Variants in CDH23 observed in about 807,000 individuals in gnomAD.
CDH23 encodes the protein cadherin related 23.
In CDH23, 189 loss-of-function variants were observed where a neutral mutation model predicts 317.1. The ratio of observed to expected loss-of-function variants is 0.60; its 90% CI spans 0.53 to 0.67. The LOEUF (loss-of-function observed/expected upper bound fraction) is 0.67, where lower values mean the gene tolerates loss of function less well. Ranked by LOEUF, CDH23 falls within the 30% of genes least tolerant of loss-of-function variation. CDH23 has a pLI of 0.00. For synonymous variants in CDH23, 1,839 were observed against 1,876.8 expected (o/e 0.98, Z 0.52); for missense variants, 4,401 against 4,592.4 (o/e 0.96, Z 1.20).
rs1841925203 is a variant in CDH23, at chr10:71,811,532, ATCC to A, written c.9225_9227del (p.Leu3076del). On this transcript the variant is annotated inframe_deletion, in exon 64 of 70. Coordinates refer to ENST00000224721, the MANE Select transcript of CDH23 (RefSeq NM_022124.6). ...GCAGATGGCGATCATCGTCCTGGCTATCCTCCTGTTCCTGGCCGCCATGCTCTT... is the reference window on the plus strand; with the variant it reads ...GCAGATGGCGATCATCGTCCTGGCTATCCTGTTCCTGGCCGCCATGCTCTT... 1.9e-6 allele frequency: 3 copies of A among 1,613,826 alleles called. No individual in the cohort carries two copies. Among genetic ancestry groups the A allele is most frequent in the Non-Finnish European group, 2.5e-6 (3 of 1,179,832 alleles).
chr10:71,531,188 G>A (rs746786892), intron 6 of CDH23, among the ~76,000 whole-genome samples: 23 of 152,204 alleles, frequency 1.5e-4, no homozygotes, highest in African/African-American at 2.4e-4. Context: ...CAGCAGCAGC[G>A]TGTGAACCTC....
At chr10:71,790,911 C>T in intron 46 of CDH23, 1 of 590,128 alleles carries the variant, frequency 1.7e-6, no homozygotes, top group African/African-American at 1.9e-5. Flanking sequence ...CAGAGGGCAC[C>T]TGCAGAGGGG....
At chr10:71,475,403 T>C (rs1417016934) in intron 3 of CDH23, among the ~76,000 whole-genome samples, 3 of 152,174 alleles carry the variant, frequency 2.0e-5, no homozygotes, top group African/African-American at 7.2e-5. Flanking sequence ...TTCTGTTTCC[T>C]GTGTGCAGCC....
chr10:71,760,994 C>T (rs1238289973), intron 38 of CDH23: 5 of 1,486,102 alleles, frequency 3.4e-6, no homozygotes, highest in Non-Finnish European at 4.7e-6. Context: ...TTGTCCAGGC[C>T]AGTGTCCCCC....
At chr10:71,679,362 C>T (rs565335104) in intron 16 of CDH23, 25 bp from the exon 17 acceptor site, 2 of 1,558,560 alleles carry the variant, frequency 1.3e-6, no homozygotes, top group Admixed American at 1.7e-5. Flanking sequence ...AGGCTCACGG[C>T]CCTTGTCTGC....
chr10:71,748,848 C>T (rs1033605381), intron 38 of CDH23: 2 of 152,696 alleles, frequency 1.3e-5, no homozygotes, highest in East Asian at 3.9e-4. Context: ...CAGGGAGGGA[C>T]GTCCCTAGTG....
At chr10:71,485,023 CTT>C (rs56153129) in intron 3 of CDH23, among the ~76,000 whole-genome samples, 4,805 of 110,244 alleles carry the variant, frequency 0.044, 156 homozygotes, top group African/African-American at 0.14. Context: ...TTTCTTTTTT[CTT>C]TTTTTTTTTT....
At chr10:71,647,894 A>G (rs988877775) in intron 14 of CDH23, 1 of 152,108 alleles carries the variant, frequency 6.6e-6, no homozygotes, top group African/African-American at 2.4e-5. Context: ...AATAAATGTC[A>G]CGGAGTTTAA....
At chr10:71,464,366 A>G (rs1202166794) in intron 3 of CDH23, among the ~76,000 whole-genome samples, 1 of 152,190 alleles carries the variant, frequency 6.6e-6, no homozygotes, top group Non-Finnish European at 1.5e-5. Context: ...GAATTTGCCC[A>G]TGATCATAGA....
chr10:71,526,972 G>A (rs894031746), intron 6 of CDH23, among the ~76,000 whole-genome samples: 8 of 152,148 alleles, frequency 5.3e-5, no homozygotes, highest in African/African-American at 1.9e-4. Context: ...GCATGTGGCC[G>A]GGGTTCTCAG....
chr10:71,570,865 C>G lies in CDH23; in HGVS notation c.700C>G (p.Pro234Ala). ...IIITDVQDMDPIFINLPYSTN... is the reference protein window; with the variant it reads ...IIITDVQDMDAIFINLPYSTN... Reference sequence around the variant, plus strand: ...CATCACAGATGTCCAGGACATGGACCCCATCTTCATCAACCTGCCTTACAG... The same window carrying G: ...CATCACAGATGTCCAGGACATGGACGCCATCTTCATCAACCTGCCTTACAG... Residue 234 changes from proline to alanine, a missense_variant, in exon 8 of 70, where the codon CCC (proline) becomes GCC (alanine). By Grantham distance (27) the Pro-to-Ala change is conservative. This residue lies in a region of CDH23 where 3,068 missense variants were observed against 3,203.3 expected (regional missense o/e 0.96). Transcript: ENST00000224721. 1 of 1,613,940 alleles carries G rather than the reference C, an allele frequency of 6.2e-7. No homozygotes were observed. Among genetic ancestry groups the G allele is most frequent in the Non-Finnish European group, 8.5e-7 (1 of 1,179,852 alleles).
chr10:71,755,179 C>T, intron 38 of CDH23: 1 of 703,878 alleles, frequency 1.4e-6, no homozygotes, highest in Non-Finnish European at 2.5e-6. Flanking sequence ...CCGGAAATGG[C>T]ATGCCTCCTT....
At chr10:71,575,354 T>C (rs1182877831) in intron 8 of CDH23, among the ~76,000 whole-genome samples, 1 of 152,166 alleles carries the variant, frequency 6.6e-6, no homozygotes, top group Non-Finnish European at 1.5e-5. Flanking sequence ...CTCTTCTGAG[T>C]GCTTCACGTT....
At chr10:71,720,943 G>T (rs1866529188) in intron 28 of CDH23, among the ~76,000 whole-genome samples, 2 of 152,192 alleles carry the variant, frequency 1.3e-5, no homozygotes, top group South Asian at 4.1e-4. Flanking sequence ...AAAGCATCCG[G>T]CCCAAAGGTG....
At chr10:71,535,598 T>C (rs573675307) in intron 6 of CDH23, among the ~76,000 whole-genome samples, 10 of 152,318 alleles carry the variant, frequency 6.6e-5, no homozygotes, top group African/African-American at 1.9e-4. Flanking sequence ...GCTTTCACCA[T>C]GTGGAGCTCT....
chr10:71,761,862 A>G, intron 38 of CDH23: 1 of 1,614,132 alleles, frequency 6.2e-7, no homozygotes, highest in Non-Finnish European at 8.5e-7. Context: ...CGCTCTGAGC[A>G]GGTCTGCACC....
At chr10:71,680,258 G>A (rs1400920900) in intron 17 of CDH23, among the ~76,000 whole-genome samples, 1 of 152,230 alleles carries the variant, frequency 6.6e-6, no homozygotes, top group East Asian at 1.9e-4. Context: ...CCCTTTGGCT[G>A]TCCAGTGTGT....
intron 38 of CDH23, chr10:71,755,531 G>C: frequency 7.0e-7 from 1 of 1,428,858 alleles, no homozygotes; most frequent in Non-Finnish European, 9.6e-7. Flanking sequence ...AGCATAAACT[G>C]AGGCTCAGAG....
intron 21 of CDH23, among the ~76,000 whole-genome samples, chr10:71,694,576 C>T (rs1865306417): frequency 6.6e-6 from 1 of 152,116 alleles, no homozygotes; most frequent in Non-Finnish European, 1.5e-5. Flanking sequence ...GCCTTGGTGC[C>T]TGTCAACAAA....
Sources: gnomAD v4.1 joint callset for allele counts (sites outside exome capture counted in the v4.1 genomes callset) on GRCh38, gnomAD v4.1.1 for gene constraint, gnomAD v4.1.1 regional missense constraint, MANE v1.5 for transcripts, NCBI Gene and HGNC (gene_info 2026-07-23, HGNC 2026-07-21) for gene names.